The following BMP2K variants were observed in gnomAD, a reference collection of about 807,000 sequenced individuals.
BMP2K encodes BMP2 inducible kinase.
In BMP2K, 74 loss-of-function variants were observed where a neutral mutation model predicts 116.0. That is an observed-to-expected ratio of 0.64 (90% CI 0.53 to 0.77). BMP2K has a LOEUF of 0.77. Ranked by LOEUF, BMP2K falls within the 30% of genes least tolerant of loss-of-function variation. The pLI, the probability that BMP2K is intolerant of heterozygous loss-of-function variation, is 0.00. For synonymous variants in BMP2K, 486 were observed against 502.5 expected, an observed-to-expected ratio of 0.97 and a Z score of 0.44; for missense variants, 1,365 against 1,403.6, an observed-to-expected ratio of 0.97 and a Z score of 0.44.
chr4:78,821,600 T>C (rs1037162249), intron 1 of BMP2K, among the ~76,000 whole-genome samples: 3 of 152,328 alleles, frequency 2.0e-5, no homozygotes, highest in East Asian at 1.9e-4. Flanking sequence ...TAATTAATAC[T>C]GCATAGGGGC....
chr4:78,835,705 C>T (rs1213265030), intron 3 of BMP2K, among the ~76,000 whole-genome samples: 1 of 151,262 alleles, frequency 6.6e-6, no homozygotes, highest in East Asian at 1.9e-4. Context: ...TCCCTCTTCT[C>T]AGAGGTAGTC....
intron 2 of BMP2K, among the ~76,000 whole-genome samples, chr4:78,827,263 T>G (rs537356272): frequency 8.0e-4 from 122 of 152,194 alleles, no homozygotes; most frequent in Middle Eastern, 3.4e-3. Context: ...TATGGCACTC[T>G]GAGCATTTTT....
At chr4:78,836,759 T>C (rs1730500634) in intron 3 of BMP2K, among the ~76,000 whole-genome samples, 1 of 152,254 alleles carries the variant, frequency 6.6e-6, no homozygotes, top group Admixed American at 6.5e-5. Context: ...TTTGGCTAGC[T>C]AAAACATTAT....
At chr4:78,858,882 A>G (rs1731630847) in intron 7 of BMP2K, among the ~76,000 whole-genome samples, 1 of 151,960 alleles carries the variant, frequency 6.6e-6, no homozygotes, top group African/African-American at 2.4e-5. Flanking sequence ...AGAATTAAAA[A>G]TTATCCAAGA....
At chr4:78,829,754 T>TC (rs200219679) in intron 2 of BMP2K, among the ~76,000 whole-genome samples, 2,961 of 106,282 alleles carry the variant, frequency 0.028, 129 homozygotes, top group African/African-American at 0.15. Flanking sequence ...ATGGAAACAA[T>TC]CTTTTCTTTT....
intron 1 of BMP2K, among the ~76,000 whole-genome samples, chr4:78,821,867 T>C (rs937913368): frequency 3.3e-5 from 5 of 152,166 alleles, no homozygotes; most frequent in African/African-American, 1.2e-4. Flanking sequence ...TAAGTGAATT[T>C]GAGGGGAGTT....
intron 15 of BMP2K, among the ~76,000 whole-genome samples, chr4:78,899,639 G>A (rs1252012344): frequency 6.6e-6 from 1 of 151,816 alleles, no homozygotes; most frequent in Non-Finnish European, 1.5e-5. Flanking sequence ...AGAAGTACAG[G>A]AGGGCTGAAG....
At chr4:78,795,078 G>T (rs905626232) in intron 1 of BMP2K, among the ~76,000 whole-genome samples, 1 of 152,212 alleles carries the variant, frequency 6.6e-6, no homozygotes, top group Non-Finnish European at 1.5e-5. Context: ...GCTTGTTGAA[G>T]TGAAGAGAGA....
chr4:78,811,640 A>G (rs1301647267), intron 1 of BMP2K, among the ~76,000 whole-genome samples: 2 of 152,220 alleles, frequency 1.3e-5, no homozygotes, highest in Non-Finnish European at 2.9e-5. Context: ...AATAAGCTTA[A>G]TCTTTTAGCT....
At chr4:78,904,052 A>G (rs1291525920) in intron 15 of BMP2K, among the ~76,000 whole-genome samples, 1 of 152,008 alleles carries the variant, frequency 6.6e-6, no homozygotes, top group African/African-American at 2.4e-5. Flanking sequence ...CTTTCAAGAT[A>G]TAATTGGAAT....
chr4:78,851,244 T>A (rs1731236949), intron 7 of BMP2K, among the ~76,000 whole-genome samples, 188 bp downstream of exon 7: 1 of 151,964 alleles, frequency 6.6e-6, no homozygotes, highest in African/African-American at 2.4e-5. Context: ...TAATTATTGA[T>A]TAATATAGAT....
chr4:78,850,963 C>A lies in BMP2K; in HGVS notation c.790C>A (p.Leu264Ile). 1.9e-6 allele frequency: 3 copies of A among 1,612,264 alleles called. No individual in the cohort carries two copies. Among genetic ancestry groups the A allele is most frequent in the Non-Finnish European group, 1.7e-6 (2 of 1,178,868 alleles). Residue 264 changes from leucine (L) to isoleucine (I), a missense_variant, in exon 7 of 16, where the codon CTT (leucine) becomes ATT (isoleucine). By Grantham distance (5) the Leu-to-Ile change is conservative. Coordinates refer to ENST00000502613, the MANE Select transcript of BMP2K (RefSeq NM_198892.2). ...CLLYKLCFFT[L>I]PFGESQVAIC... Reference sequence around the variant, plus strand: ...ACTCTATAAACTTTGTTTCTTCACTCTTCCTTTTGGTGAGAGTCAGGTTGC... The same window carrying A: ...ACTCTATAAACTTTGTTTCTTCACTATTCCTTTTGGTGAGAGTCAGGTTGC...
intron 14 of BMP2K, chr4:78,879,114 T>C: frequency 2.4e-6 from 3 of 1,267,298 alleles, no homozygotes; most frequent in Non-Finnish European, 3.0e-6. Flanking sequence ...GCTGATAGTA[T>C]GCTAATATCC....
At chr4:78,813,894 A>C (rs561223910) in intron 1 of BMP2K, among the ~76,000 whole-genome samples, 2 of 152,334 alleles carry the variant, frequency 1.3e-5, no homozygotes, top group South Asian at 4.1e-4. Flanking sequence ...TCACAAGGGC[A>C]GTTCTCTGAT....
In BMP2K at chr4:78,914,913, TTGAATAATCCTTTAAAAAG is replaced by T. The variant is rs1734915042; in HGVS notation, c.*2883_*2901del. 6.6e-6 allele frequency: 1 copy of T among 151,992 alleles called. No homozygotes were observed. Among genetic ancestry groups the T allele is most frequent in the Non-Finnish European group, 1.5e-5 (1 of 67,920 alleles). 9.4% of individuals were successfully genotyped at this position (151,992 alleles called of 1,614,324 possible). A position where few individuals can be genotyped will look rare whatever the true frequency, so the allele number is the denominator to read the frequency against. ...ACAGCTTTAATAATGCTTGTTGATT[TTGAATAATCCTTTAAAAAG>T]TGGACCATTTGCTTATTTTAATATC... On this transcript the variant is annotated 3_prime_UTR_variant, in exon 16 of 16. Coordinates refer to ENST00000502613, the MANE Select transcript of BMP2K (RefSeq NM_198892.2).
intron 1 of BMP2K, among the ~76,000 whole-genome samples, chr4:78,777,943 G>A (rs1727323988): frequency 6.6e-6 from 1 of 152,334 alleles, no homozygotes; most frequent in Non-Finnish European, 1.5e-5. Flanking sequence ...TGGAGAGGTG[G>A]GAGAAGGAGG....
intron 14 of BMP2K, among the ~76,000 whole-genome samples, chr4:78,881,688 A>G (rs1468071081): frequency 6.6e-6 from 1 of 152,044 alleles, no homozygotes; most frequent in Non-Finnish European, 1.5e-5. Flanking sequence ...CTCTTCCAGA[A>G]CCTTCAGAGT....
intron 10 of BMP2K, among the ~76,000 whole-genome samples, chr4:78,870,560 C>G (rs1186949110): frequency 1.3e-5 from 2 of 152,138 alleles, no homozygotes; most frequent in Non-Finnish European, 2.9e-5. Flanking sequence ...TGAAGTGTTT[C>G]TAAGATGTTG....
chr4:78,910,673 T>C lies in BMP2K; in HGVS notation c.2126T>C (p.Ile709Thr). The C allele has an allele frequency of 6.2e-7, 1 of 1,604,404 alleles. No homozygotes were observed. Among genetic ancestry groups the C allele is most frequent in the East Asian group, 2.2e-5 (1 of 44,820 alleles). The change falls in exon 16 of 16, where the codon ATC (isoleucine) becomes ACC (threonine). Residue 709 changes from isoleucine (I) to threonine (T), a missense_variant. Transcript: ENST00000502613. ...CAAGAAAATGGCACTGCAAACCCTA[T>C]CAAGAACGGTAAAACAAGTCCAGCA... ...INQENGTANPIKNGKTSPASK... is the reference protein window; with the variant it reads ...INQENGTANPTKNGKTSPASK...
Sources: allele counts gnomAD v4.1 joint callset (sites outside exome capture counted in the v4.1 genomes callset), GRCh38; gene constraint gnomAD v4.1.1; transcripts MANE v1.5; gene names NCBI Gene and HGNC (gene_info 2026-07-23, HGNC 2026-07-21).